TUT4: variants seen among roughly 807,000 people sequenced by gnomAD.
The protein encoded by TUT4 is terminal uridylyltransferase 4.
TUT4 carries 36 observed loss-of-function variants against 192.2 expected under a neutral mutation model. That is an observed-to-expected ratio of 0.19 (90% confidence interval 0.14 to 0.25). The LOEUF is 0.25. Ranked by LOEUF, TUT4 falls within the 10% of genes least tolerant of loss-of-function variation. The probability of loss-of-function intolerance (pLI) is 1.00; values close to 1 mark genes in which losing one functional copy is unlikely to be tolerated. For missense variants in TUT4, 1,493 were observed against 1,957.2 expected (o/e 0.76, Z 4.47); for synonymous variants, 618 against 666.0 (o/e 0.93, Z 1.11).
intron 24 of TUT4, among the ~76,000 whole-genome samples, chr1:52,439,449 C>A (rs148012159): frequency 1.3e-5 from 2 of 152,180 alleles, no homozygotes; most frequent in Non-Finnish European, 2.9e-5. Context: ...CCTTGCTTAT[C>A]CTTCTAAACT....
intron 7 of TUT4, among the ~76,000 whole-genome samples, chr1:52,491,269 T>C (rs1036032495): frequency 2.0e-5 from 3 of 152,206 alleles, no homozygotes; most frequent in African/African-American, 7.2e-5. Context: ...CCCGTTAGTA[T>C]ATGAAGAGTT....
At position 52,464,950 on chromosome 1, in the gene TUT4, T is replaced by A. The variant is rs1043587756; in HGVS notation, c.3069+120A>T. 1.1e-5 allele frequency: 7 copies of A among 664,408 alleles called. No homozygotes were observed. In the African/African-American group the frequency reaches 1.3e-4, roughly 13 times the overall value. 41.2% of individuals were successfully genotyped at this position (664,408 alleles called of 1,614,324 possible). ...TGTTTTCATATTTCAAACACTTATT[T>A]TGCTAATATATTTATACAAAGAGTG... On this transcript the variant is annotated intron_variant, in intron 16 of 29. Coordinates refer to ENST00000257177, the MANE Select transcript of TUT4 (RefSeq NM_001009881.3).
At chr1:52,508,670 G>A (rs1225263603) in intron 4 of TUT4, among the ~76,000 whole-genome samples, 1 of 152,172 alleles carries the variant, frequency 6.6e-6, no homozygotes, top group Non-Finnish European at 1.5e-5. Context: ...GGGGCACAGA[G>A]AAGGAGTATC....
chr1:52,462,943 T>C (rs967557478), intron 16 of TUT4: 2 of 985,298 alleles, frequency 2.0e-6, no homozygotes, highest in Admixed American at 6.1e-5. Context: ...ATGTTCTTTT[T>C]AGCTACATGA....
rs528643132 is a variant in TUT4, at chr1:52,546,237, T to C, written c.-94+6694A>G. On this transcript the variant is annotated intron_variant, in intron 1 of 29. Transcript: ENST00000257177. ...AAAAAATTGAAAGCAGGCTAAGAGA[T>C]ACTGTACACTCATGTTCACAGCAGC... is the stretch of plus-strand genomic sequence containing the variant. Among the ~76,000 whole-genome samples, 10 of 152,296 alleles carry C rather than the reference T, an allele frequency of 6.6e-5. No homozygotes were observed. The South Asian group carries it at 2.1e-3, about 32-fold the overall frequency.
chr1:52,518,047 CG>C (rs1442431470), intron 2 of TUT4, among the ~76,000 whole-genome samples: 1 of 152,140 alleles, frequency 6.6e-6, no homozygotes, highest in African/African-American at 2.4e-5. Flanking sequence ...CCAGGCAGAA[CG>C]TCCTAAATTG....
rs919559320 is a variant in TUT4 at position 52,502,609 on chromosome 1, C to CTTTTTTTTTT, written c.1000-5436_1000-5427dup. On this transcript the variant is annotated intron_variant, in intron 4 of 29. Coordinates refer to ENST00000257177, the MANE Select transcript of TUT4 (RefSeq NM_001009881.3). ...TCATTAAGTAAGCCCTCTTAGCCCT[C>CTTTTTTTTTT]TTTTTTTTTTTTTTTTTTTTTTTGA... Among the ~76,000 whole-genome samples, 33 of 82,122 alleles carry CTTTTTTTTTT rather than the reference C, an allele frequency of 4.0e-4. 3 individuals carry two copies. The highest frequency in any genetic ancestry group is 1.3e-3 in the African/African-American group (25 of 18,640). 53.9% of individuals were successfully genotyped at this position (82,122 alleles called of 152,430 possible). A position where few individuals can be genotyped will look rare whatever the true frequency, so the allele number is the denominator to read the frequency against.
intron 20 of TUT4, among the ~76,000 whole-genome samples, chr1:52,448,682 G>T: frequency 6.7e-6 from 1 of 149,652 alleles, no homozygotes; most frequent in East Asian, 2.0e-4. Context: ...AAGAAGTGAA[G>T]ATATTAAGGG....
intron 1 of TUT4, among the ~76,000 whole-genome samples, chr1:52,539,599 A>G (rs1685933245): frequency 6.6e-6 from 1 of 152,214 alleles, no homozygotes; most frequent in Non-Finnish European, 1.5e-5. Context: ...GTTTTAAAAA[A>G]AGATGGCAGT....
rs1382410474 is a variant in TUT4, at chr1:52,446,256, A to G, written c.3691+9T>C. On this transcript the variant is annotated intron_variant, in intron 22 of 29. Transcript: ENST00000257177. ...GTTGCTCCTGAATTAATATCAGCTT[A>G]AATGTTACCTTCAATTGCAATGCAC... 1 of 1,604,430 alleles carries G rather than the reference A, an allele frequency of 6.2e-7. No homozygotes were observed. Among genetic ancestry groups the G allele is most frequent in the Non-Finnish European group, 8.5e-7 (1 of 1,177,246 alleles).
In TUT4 at chr1:52,481,416, G is replaced by A. The variant is rs770801593; in HGVS notation, c.1848+7C>T. 1 of 1,612,924 alleles carries A rather than the reference G, an allele frequency of 6.2e-7. No individual in the cohort carries two copies. On this transcript the variant is annotated splice_region_variant and intron_variant, in intron 11 of 29. Transcript: ENST00000257177. ...AAAAGCCAAAAAACAAAAACAAAAA[G>A]GCTTACTTTGCCATGTTTTTCCTTC... is the stretch of plus-strand genomic sequence containing the variant.
chr1:52,496,895 C>A, intron 5 of TUT4, 111 bp downstream of exon 5: 1 of 1,039,982 alleles, frequency 9.6e-7, no homozygotes, highest in Non-Finnish European at 1.3e-6. Flanking sequence ...TAAATTTTAT[C>A]TACTTTTAAG....
At chr1:52,552,303 T>C (rs1689646802) in intron 1 of TUT4, among the ~76,000 whole-genome samples, 1 of 152,086 alleles carries the variant, frequency 6.6e-6, no homozygotes, top group South Asian at 2.1e-4. Flanking sequence ...GCGCTATCTG[T>C]TTACAAATAC....
chr1:52,436,973 A>G lies in TUT4; in HGVS notation c.3944T>C (p.Leu1315Ser), dbSNP rs761228437. The G allele has an allele frequency of 6.2e-7, 1 of 1,613,690 alleles. No individual in the cohort carries two copies. The highest frequency in any genetic ancestry group is 8.5e-7 in the Non-Finnish European group (1 of 1,179,902). ...GTCTTTCTTCTTTAGTCTAAACAGT[A>G]AACTGCTGATACCAATAATGTGGGG... ...MKDCPKRKSS[L>S]LFRLKKKDSE... Residue 1315 changes from leucine (L) to serine (S), a missense_variant, in exon 26 of 30, where the codon TTA (leucine) becomes TCA (serine). Transcript: ENST00000257177.
At chr1:52,441,444 A>ATCTTTTT (rs1553160600) in intron 24 of TUT4, among the ~76,000 whole-genome samples, 1 of 119,984 alleles carries the variant, frequency 8.3e-6, no homozygotes, top group African/African-American at 3.7e-5. Context: ...TCTCGGCTAA[A>ATCTTTTT]TTTTTTTTTT....
chr1:52,533,179 A>G (rs1457989257), intron 1 of TUT4, among the ~76,000 whole-genome samples: 3 of 152,202 alleles, frequency 2.0e-5, no homozygotes, highest in Non-Finnish European at 2.9e-5. Context: ...GAATGACCAC[A>G]TGGAACAAAC....
At chr1:52,506,030 C>G (rs1557881176) in intron 4 of TUT4, among the ~76,000 whole-genome samples, 1 of 151,936 alleles carries the variant, frequency 6.6e-6, no homozygotes, top group Non-Finnish European at 1.5e-5. Flanking sequence ...GTTGGCCAGG[C>G]TGGTCTCGAA....
intron 28 of TUT4, 131 bp from the exon 29 acceptor site, chr1:52,425,638 A>C: frequency 1.7e-6 from 2 of 1,147,202 alleles, no homozygotes; most frequent in Non-Finnish European, 2.4e-6. Context: ...GAGAATACCA[A>C]ACAAACTTTT....
At chr1:52,469,407 CA>C (rs1665069951) in intron 14 of TUT4, among the ~76,000 whole-genome samples, 1 of 152,006 alleles carries the variant, frequency 6.6e-6, no homozygotes, top group South Asian at 2.1e-4. Context: ...TTGTTTCCCA[CA>C]GGGGTATTGG....
Sources: allele counts gnomAD v4.1 joint callset (sites outside exome capture counted in the v4.1 genomes callset), GRCh38; gene constraint gnomAD v4.1.1; transcripts MANE v1.5; gene names NCBI Gene and HGNC (gene_info 2026-07-23, HGNC 2026-07-21).